The following ZFPM1 variants were observed in gnomAD, a reference collection of about 807,000 sequenced individuals.
ZFPM1 encodes the protein zinc finger protein ZFPM1.
ZFPM1 carries 28 observed loss-of-function variants against 46.3 expected under a neutral mutation model. The ratio of observed to expected loss-of-function variants is 0.60; its 90% CI spans 0.45 to 0.83. The LOEUF (loss-of-function observed/expected upper bound fraction) is 0.83, where lower values mean the gene tolerates loss of function less well. ZFPM1 is among the 40% of genes least tolerant of loss of function. The probability of loss-of-function intolerance (pLI) is 0.00; values close to 1 mark genes in which losing one functional copy is unlikely to be tolerated. For synonymous variants in ZFPM1, 957 were observed against 675.9 expected (o/e 1.42, Z -6.45); for missense variants, 1,878 against 1,432.4 (o/e 1.31, Z -5.02).
Position 88,532,900 on chromosome 16 carries a change from C to T in ZFPM1, c.1154C>T (p.Pro385Leu), listed in dbSNP as rs773324612. 8.1e-6 allele frequency: 13 copies of T among 1,613,296 alleles called. No individual in the cohort carries two copies. Among genetic ancestry groups the T allele is most frequent in the Non-Finnish European group, 9.3e-6 (11 of 1,179,972 alleles). ...GGCTCCAAGGGTGAGATCTACTCGC[C>T]AGGGGCCGGACACCCAGCAACCAAG... ...QPGSKGEIYS[P>L]GAGHPATKLP... Residue 385 changes from proline to leucine, a missense_variant, in exon 9 of 10, where the codon CCA becomes CTA. Transcript: ENST00000319555.
At chr16:88,512,589 G>A (rs1911032782) in intron 3 of ZFPM1, among the ~76,000 whole-genome samples, 1 of 151,546 alleles carries the variant, frequency 6.6e-6, no homozygotes, top group South Asian at 2.1e-4. Flanking sequence ...AGGCCTGCAT[G>A]CAGGGCCCAC....
chr16:88,534,836 C>A lies in ZFPM1; in HGVS notation c.2878C>A (p.Pro960Thr), dbSNP rs202186495. ...CTACTCGGACAAGGGCGTCCAGACT[C>A]CCAGCAAGGGCACGCCGGCGCCGCT... ...PSYSDKGVQT[P>T]SKGTPAPLPN... The change falls in exon 10 of 10, where the codon CCC becomes ACC. Residue 960 changes from proline to threonine, a missense_variant. Coordinates refer to ENST00000319555, the MANE Select transcript of ZFPM1 (RefSeq NM_153813.3). The A allele has an allele frequency of 2.6e-6, 4 of 1,552,888 alleles. No individual in the cohort carries two copies. The African/African-American group carries it at 4.2e-5, about 16-fold the overall frequency.
intron 1 of ZFPM1, among the ~76,000 whole-genome samples, chr16:88,475,709 C>T (rs887080073): frequency 1.3e-5 from 2 of 152,186 alleles, no homozygotes; most frequent in East Asian, 1.9e-4. Flanking sequence ...GTGGCCACCC[C>T]GAGGCTCGCT....
At chr16:88,498,415 A>C (rs997927970) in intron 3 of ZFPM1, among the ~76,000 whole-genome samples, 3 of 152,204 alleles carry the variant, frequency 2.0e-5, no homozygotes, top group African/African-American at 7.2e-5. Context: ...CCCTGGAACC[A>C]GAAAGAACAT....
chr16:88,504,768 C>G (rs920230597), intron 3 of ZFPM1, among the ~76,000 whole-genome samples: 1 of 152,218 alleles, frequency 6.6e-6, no homozygotes, highest in Admixed American at 6.5e-5. Flanking sequence ...TTCAGACAGG[C>G]AAGACCTGGC....
intron 1 of ZFPM1, among the ~76,000 whole-genome samples, chr16:88,455,577 G>A (rs903363109): frequency 2.1e-5 from 3 of 143,896 alleles, no homozygotes; most frequent in African/African-American, 7.5e-5. Context: ...CTCACCTGCG[G>A]CCGGGCCGCG....
intron 4 of ZFPM1, chr16:88,516,471 C>T (rs947984204): frequency 1.8e-4 from 72 of 398,388 alleles, no homozygotes; most frequent in African/African-American, 1.3e-3. Flanking sequence ...GTGGGGAGCC[C>T]GGGGAGGAAG....
intron 5 of ZFPM1, among the ~76,000 whole-genome samples, chr16:88,527,684 G>A (rs376525366): frequency 6.6e-5 from 10 of 152,104 alleles, no homozygotes; most frequent in African/African-American, 1.9e-4. Context: ...TGGAGAGCCG[G>A]GTCCACTCTA....
chr16:88,478,139 G>A (rs541168203), intron 1 of ZFPM1, among the ~76,000 whole-genome samples: 31 of 152,324 alleles, frequency 2.0e-4, no homozygotes, highest in African/African-American at 7.0e-4. Context: ...GGGCAGGACC[G>A]ATGGGGGAGG....
intron 4 of ZFPM1, among the ~76,000 whole-genome samples, chr16:88,525,192 G>A (rs1461017701): frequency 2.0e-5 from 3 of 152,202 alleles, no homozygotes; most frequent in Admixed American, 6.5e-5. Context: ...GCCCAAGGTC[G>A]CAGCAGGGAG....
intron 1 of ZFPM1, among the ~76,000 whole-genome samples, chr16:88,481,126 G>A (rs575095745): frequency 6.6e-6 from 1 of 152,382 alleles, no homozygotes; most frequent in East Asian, 1.9e-4. Context: ...AGCAGGAGAC[G>A]GATGGGCGCA....
At chr16:88,488,488 T>C (rs1319748164) in intron 2 of ZFPM1, among the ~76,000 whole-genome samples, 1 of 152,216 alleles carries the variant, frequency 6.6e-6, no homozygotes, top group African/African-American at 2.4e-5. Context: ...CCAAAAATAA[T>C]AGGACTTTTA....
At chr16:88,511,187 G>C (rs1363013185) in intron 3 of ZFPM1, among the ~76,000 whole-genome samples, 1 of 152,124 alleles carries the variant, frequency 6.6e-6, no homozygotes, top group Non-Finnish European at 1.5e-5. Flanking sequence ...GTGCCGGTGG[G>C]GGTGTCTGGC....
intron 1 of ZFPM1, among the ~76,000 whole-genome samples, chr16:88,485,193 G>T (rs1039378766): frequency 4.6e-5 from 7 of 152,192 alleles, no homozygotes; most frequent in Non-Finnish European, 4.4e-5. Context: ...CTGGATGGAC[G>T]CTGGGCCTAC....
At chr16:88,512,041 T>C (rs1910996235) in intron 3 of ZFPM1, among the ~76,000 whole-genome samples, 1 of 152,224 alleles carries the variant, frequency 6.6e-6, no homozygotes, top group African/African-American at 2.4e-5. Flanking sequence ...CGGCCACCTT[T>C]ATCAGAGCCA....
chr16:88,470,183 A>C (rs1290340196), intron 1 of ZFPM1, among the ~76,000 whole-genome samples: 3 of 152,114 alleles, frequency 2.0e-5, no homozygotes, highest in African/African-American at 7.2e-5. Flanking sequence ...GTGGAGAGCC[A>C]CGGTCCTTGT....
intron 3 of ZFPM1, among the ~76,000 whole-genome samples, chr16:88,493,495 GGGTGGGGAGA>G (rs1909738491): frequency 6.8e-6 from 1 of 146,128 alleles, no homozygotes; most frequent in Non-Finnish European, 1.5e-5. Flanking sequence ...AGCTGTCCCG[GGGTGGGGAGA>G]GCTGTCCCAG....
At chr16:88,474,349 G>T (rs968864444) in intron 1 of ZFPM1, among the ~76,000 whole-genome samples, 8 of 152,214 alleles carry the variant, frequency 5.3e-5, no homozygotes, top group Non-Finnish European at 1.2e-4. Flanking sequence ...AGAGCTGGGG[G>T]GCTGCCTGGA....
chr16:88,516,218 C>T (rs370326565), intron 4 of ZFPM1: 1 of 398,530 alleles, frequency 2.5e-6, no homozygotes, highest in South Asian at 1.3e-4. Flanking sequence ...CGGAGACCCT[C>T]GCAAGCTCCT....
Sources: allele counts gnomAD v4.1 joint callset (sites outside exome capture counted in the v4.1 genomes callset), GRCh38; gene constraint gnomAD v4.1.1; transcripts MANE v1.5; gene names NCBI Gene and HGNC (gene_info 2026-07-23, HGNC 2026-07-21).